Variants in ST18 observed in about 807,000 individuals in gnomAD.
ST18 encodes ST18 C2H2C-type zinc finger transcription factor.
A neutral mutation model predicts 110.0 loss-of-function variants in ST18; 50 were observed. That is an observed-to-expected ratio of 0.45 (90% CI 0.36 to 0.58). ST18 has a LOEUF of 0.58. Among genes scored for constraint, ST18 ranks in the 20% least tolerant of loss-of-function variants. The probability of loss-of-function intolerance (pLI) is 0.00; values close to 1 mark genes in which losing one functional copy is unlikely to be tolerated. For synonymous variants in ST18, 461 were observed against 452.4 expected, an observed-to-expected ratio of 1.02 and a Z score of -0.24; for missense variants, 1,306 against 1,280.1, an observed-to-expected ratio of 1.02 and a Z score of -0.31.
At position 52,162,177 on chromosome 8, in the gene ST18, T is replaced by C. The variant is rs150277908; in HGVS notation, c.1401-609A>G. Among the ~76,000 whole-genome samples the C allele has an allele frequency of 8.4e-4, 128 of 152,154 alleles. 1 individual carries two copies. The East Asian group carries it at 0.021, about 24-fold the overall frequency. ...AGTGAACTGAGATCATGTCACTGCA[T>C]TCCAGCCTGGGAGACAGAGCAAGAC... On this transcript the variant is annotated intron_variant, in intron 13 of 25. Transcript: ENST00000689386.
chr8:52,320,477 T>C (rs1803404410), intron 2 of ST18, among the ~76,000 whole-genome samples: 1 of 152,202 alleles, frequency 6.6e-6, no homozygotes, highest in Non-Finnish European at 1.5e-5. Flanking sequence ...TCACAAGGAA[T>C]TCTTTTTCAG....
intron 2 of ST18, among the ~76,000 whole-genome samples, chr8:52,274,941 C>T (rs996066764): frequency 1.3e-5 from 2 of 152,044 alleles, no homozygotes; most frequent in African/African-American, 4.8e-5. Flanking sequence ...GGGAAATATA[C>T]AGAACATTGT....
chr8:52,300,416 T>A (rs902464151), intron 2 of ST18, among the ~76,000 whole-genome samples: 1 of 152,216 alleles, frequency 6.6e-6, no homozygotes, highest in Non-Finnish European at 1.5e-5. Flanking sequence ...CTTAATATGG[T>A]AAGTAACTTA....
At chr8:52,197,852 T>C (rs1034500416) in intron 8 of ST18, among the ~76,000 whole-genome samples, 7 of 149,098 alleles carry the variant, frequency 4.7e-5, no homozygotes, top group Admixed American at 1.3e-4. Flanking sequence ...GAATAGAAGA[T>C]AGAGACCCAC....
At chr8:52,330,124 G>A (rs1808504592) in intron 2 of ST18, among the ~76,000 whole-genome samples, 1 of 152,146 alleles carries the variant, frequency 6.6e-6, no homozygotes, top group Non-Finnish European at 1.5e-5. Context: ...GATGCAGAAG[G>A]AATTTTACAC....
chr8:52,187,996 G>A (rs2073040483), intron 8 of ST18, among the ~76,000 whole-genome samples: 1 of 152,022 alleles, frequency 6.6e-6, no homozygotes, highest in Non-Finnish European at 1.5e-5. Flanking sequence ...TATTTTTCCA[G>A]CTTATATTAC....
rs1590806365 is a variant in ST18 at position 52,408,730 on chromosome 8, T to G, written c.-465+598A>C. On this transcript the variant is annotated intron_variant, in intron 2 of 25. Coordinates refer to ENST00000689386, the MANE Select transcript of ST18 (RefSeq NM_001352837.2). ...TTCAGTGACCTAAATTAGCTAGAGATTTTAAAAAATCTTATGGCTCAAAGA... is the reference window on the plus strand; with the variant it reads ...TTCAGTGACCTAAATTAGCTAGAGAGTTTAAAAAATCTTATGGCTCAAAGA... Among the ~76,000 whole-genome samples the G allele has an allele frequency of 3.9e-5, 6 of 152,298 alleles. No homozygotes were observed. In the South Asian group the frequency reaches 1.2e-3, roughly 32 times the overall value.
At chr8:52,260,016 A>C (rs9643798) in intron 2 of ST18, among the ~76,000 whole-genome samples, 5,067 of 152,300 alleles carry the variant, frequency 0.033, 141 homozygotes, top group Admixed American at 0.082. Flanking sequence ...TAACATAGTG[A>C]AGTTTTCTTC....
chr8:52,122,722 C>T (rs561517746), intron 23 of ST18, among the ~76,000 whole-genome samples: 9 of 152,076 alleles, frequency 5.9e-5, no homozygotes, highest in Admixed American at 1.3e-4. Context: ...CTCCTGACCT[C>T]GTGATCCACC....
At chr8:52,176,884 C>T (rs1465269450) in intron 9 of ST18, among the ~76,000 whole-genome samples, 1 of 152,154 alleles carries the variant, frequency 6.6e-6, no homozygotes, top group Admixed American at 6.5e-5. Context: ...AATTGGTTTT[C>T]CAGGCCTCTT....
intron 2 of ST18, among the ~76,000 whole-genome samples, chr8:52,268,683 G>C (rs1364474558): frequency 6.6e-6 from 1 of 152,306 alleles, no homozygotes; most frequent in South Asian, 2.1e-4. Flanking sequence ...GGAAGAAAAA[G>C]CCAAGCTAGG....
chr8:52,240,051 C>A (rs1162209295), intron 2 of ST18, among the ~76,000 whole-genome samples: 1 of 152,166 alleles, frequency 6.6e-6, no homozygotes, highest in Non-Finnish European at 1.5e-5. Context: ...ACCTCGGCCT[C>A]CCAAAGTGCT....
intron 2 of ST18, among the ~76,000 whole-genome samples, chr8:52,240,721 C>T (rs138244820): frequency 5.3e-5 from 8 of 152,046 alleles, no homozygotes; most frequent in South Asian, 2.1e-4. Flanking sequence ...CTTTTCTTAC[C>T]TTGCTTTCAC....
In ST18 at chr8:52,132,079, C is replaced by G. The variant is rs1352419537; in HGVS notation, c.2545G>C (p.Glu849Gln). ...GCPLAAKRQK[E>Q]NPLNGASLSW... The stretch of plus-strand genomic sequence containing the variant: ...AGGGAGGCTCCATTGAGAGGATTCT[C>G]CTTCTGTCTCTTGGCAGCCAGAGGA... Residue 849 changes from glutamate (E) to glutamine (Q), a missense_variant, in exon 22 of 26, where the codon GAG becomes CAG. Transcript: ENST00000689386. 6.2e-7 allele frequency: 1 copy of G among 1,614,190 alleles called. No homozygotes were observed. The highest frequency in any genetic ancestry group is 2.2e-5 in the East Asian group (1 of 44,874).
Position 52,362,949 on chromosome 8 carries a change from C to T in ST18, c.-465+46379G>A, listed in dbSNP as rs575562498. On this transcript the variant is annotated intron_variant, in intron 2 of 25. Transcript: ENST00000689386. ...CCCACAGGCCAGACGCGGTGGCTCA[C>T]GCCTGTAATCCCAGCACTTTGGGAG... is the stretch of plus-strand genomic sequence containing the variant. Among the ~76,000 whole-genome samples, 4 of 152,296 alleles carry T rather than the reference C, an allele frequency of 2.6e-5. 1 individual carries two copies. Among genetic ancestry groups the T allele is most frequent in the African/African-American group, 9.6e-5 (4 of 41,574 alleles).
At chr8:52,125,246 G>A (rs2046553040) in intron 23 of ST18, among the ~76,000 whole-genome samples, 1 of 152,084 alleles carries the variant, frequency 6.6e-6, no homozygotes. Flanking sequence ...GTAAAGATCT[G>A]GATGCTAAGT....
chr8:52,279,450 G>A (rs2095334338), intron 2 of ST18, among the ~76,000 whole-genome samples: 1 of 151,940 alleles, frequency 6.6e-6, no homozygotes, highest in African/African-American at 2.4e-5. Context: ...TACATCTAAT[G>A]GAAATCACAG....
intron 2 of ST18, among the ~76,000 whole-genome samples, chr8:52,341,559 C>T (rs188378352): frequency 2.6e-5 from 4 of 152,308 alleles, no homozygotes; most frequent in Admixed American, 2.0e-4. Context: ...CCTGGGGCAT[C>T]CAGGAGGGCC....
chr8:52,274,993 T>C (rs897201334), intron 2 of ST18, among the ~76,000 whole-genome samples: 82 of 152,322 alleles, frequency 5.4e-4, no homozygotes, highest in African/African-American at 1.9e-3. Flanking sequence ...CACCAGAGCT[T>C]TGTGACATTT....
Sources: allele counts gnomAD v4.1 joint callset (sites outside exome capture counted in the v4.1 genomes callset), GRCh38; gene constraint gnomAD v4.1.1; transcripts MANE v1.5; gene names NCBI Gene and HGNC (gene_info 2026-07-23, HGNC 2026-07-21).